The following ZRANB1 variants were observed in gnomAD, a reference collection of about 807,000 sequenced individuals.
ZRANB1 encodes zinc finger RANBP2-type containing 1.
Under a neutral mutation model 80.5 loss-of-function variants are expected in ZRANB1, and 16 were observed. The observed-to-expected ratio is 0.20, with a 90% CI of 0.13 to 0.30. ZRANB1 has a LOEUF of 0.30. Ranked by LOEUF, ZRANB1 falls within the 10% of genes least tolerant of loss-of-function variation. ZRANB1 has a pLI of 1.00. For missense variants in ZRANB1, 576 were observed against 862.6 expected (o/e 0.67, Z 4.16); for synonymous variants, 291 against 293.1 (o/e 0.99, Z 0.07).
intron 3 of ZRANB1, among the ~76,000 whole-genome samples, chr10:124,973,131 G>T (rs1443792781): frequency 1.3e-5 from 2 of 152,112 alleles, no homozygotes; most frequent in Non-Finnish European, 2.9e-5. Context: ...ACCCCAGAAT[G>T]ATTAGATTTT....
intron 2 of ZRANB1, among the ~76,000 whole-genome samples, chr10:124,971,506 G>GCTT (rs1294148269): frequency 6.6e-6 from 1 of 152,184 alleles, no homozygotes; most frequent in Non-Finnish European, 1.5e-5. Flanking sequence ...TAAATACCGT[G>GCTT]CTTTTTTTAA....
At chr10:124,936,997 C>T in the ZRANB1 span, among the ~76,000 whole-genome samples, 1 of 151,976 alleles carries the variant, frequency 6.6e-6, no homozygotes, top group Non-Finnish European at 1.5e-5. Context: ...CCGGGCCGCC[C>T]GGGCTGGAGT....
intron 1 of ZRANB1, among the ~76,000 whole-genome samples, chr10:124,952,538 G>A (rs1951648561): frequency 6.6e-6 from 1 of 152,192 alleles, no homozygotes; most frequent in Non-Finnish European, 1.5e-5. Flanking sequence ...GTTGTTTTAA[G>A]TCACTAAGGT....
At chr10:124,972,306 G>C (rs1951834066) in intron 3 of ZRANB1, among the ~76,000 whole-genome samples, 188 bp downstream of exon 3, 1 of 152,218 alleles carries the variant, frequency 6.6e-6, no homozygotes, top group Non-Finnish European at 1.5e-5. Flanking sequence ...AAATGCGTCT[G>C]CTATCTGAGA....
At chr10:124,919,737 G>T in the ZRANB1 span, among the ~76,000 whole-genome samples, 68 of 149,250 alleles carry the variant, frequency 4.6e-4, no homozygotes, top group African/African-American at 1.6e-3. Flanking sequence ...TCATCCTCCC[G>T]AGTAGCTGGG....
upstream of ZRANB1, among the ~76,000 whole-genome samples, chr10:124,940,992 A>T (rs956836056): frequency 2.0e-5 from 3 of 150,944 alleles, no homozygotes; most frequent in African/African-American, 7.4e-5. Flanking sequence ...TCAAAAAAAC[A>T]AAAATGAAAA....
At chr10:124,941,165 A>T (rs1166014656), upstream of ZRANB1, among the ~76,000 whole-genome samples, 2 of 150,454 alleles carry the variant, frequency 1.3e-5, no homozygotes, top group African/African-American at 4.9e-5. Context: ...AAAAGTATTT[A>T]GGAAAAGTGG....
intron 1 of ZRANB1, among the ~76,000 whole-genome samples, chr10:124,963,554 G>GTTTTTTTTTTTTTTT (rs760813299): frequency 1.4e-3 from 81 of 57,484 alleles, no homozygotes; most frequent in Admixed American, 1.7e-3. Flanking sequence ...TTTTTTGTTT[G>GTTTTTTTTTTTTTTT]TTTTTTTTTT....
Position 124,986,944 on chromosome 10 carries a change from GTT to G in ZRANB1, c.*1953_*1954del, listed in dbSNP as rs1221929860. On this transcript the variant is annotated 3_prime_UTR_variant, in exon 9 of 9. Transcript: ENST00000359653. ...TACTGTGTGTTGTGGTCTGGTGAGT[GTT>G]GTTTCCCCTGAGCGCTCTATTATTT... The G allele has an allele frequency of 1.3e-5, 2 of 152,304 alleles. No homozygotes were observed. The highest frequency in any genetic ancestry group is 1.3e-4 in the Admixed American group (2 of 15,170). 9.4% of individuals were successfully genotyped at this position (152,304 alleles called of 1,614,324 possible).
chr10:124,942,096 A>T, upstream of ZRANB1: 1 of 1,013,082 alleles, frequency 9.9e-7, no homozygotes, highest in Non-Finnish European at 1.2e-6. Context: ...TGTCTCTTTA[A>T]ACTATTGGTT....
chr10:124,981,559 TAGAA>T, intron 5 of ZRANB1, 146 bp from the exon 6 acceptor site: 1 of 694,772 alleles, frequency 1.4e-6, no homozygotes, highest in Non-Finnish European at 2.2e-6. Flanking sequence ...CATTTTTCAT[TAGAA>T]AAATACATTA....
intron 5 of ZRANB1, among the ~76,000 whole-genome samples, chr10:124,978,128 A>G (rs1951896159): frequency 6.6e-6 from 1 of 152,200 alleles, no homozygotes; most frequent in African/African-American, 2.4e-5. Context: ...TCGGGAGATC[A>G]GATATACTAG....
At position 124,987,125 on chromosome 10, in the gene ZRANB1, A is replaced by G. The variant is rs756129116; in HGVS notation, c.*2133A>G. On this transcript the variant is annotated 3_prime_UTR_variant, in exon 9 of 9. Coordinates refer to ENST00000359653, the MANE Select transcript of ZRANB1 (RefSeq NM_017580.3). ...TCATAGACTGGCTGTTAAAGGCCAA[A>G]AATTTTGGTAAATCAATGCTATATT... is the stretch of plus-strand genomic sequence containing the variant. 5.2e-5 allele frequency: 8 copies of G among 152,618 alleles called. No homozygotes were observed. The highest frequency in any genetic ancestry group is 1.2e-4 in the Non-Finnish European group (8 of 68,038). The allele number at this position is 152,618 out of a possible 1,614,324, so 9.5% of individuals were successfully genotyped here.
rs1403193013 is a variant in ZRANB1 at position 124,987,352 on chromosome 10, G to A, written c.*2360G>A. On this transcript the variant is annotated 3_prime_UTR_variant, in exon 9 of 9. Transcript: ENST00000359653. The stretch of plus-strand genomic sequence containing the variant: ...ATTTTGTTTTGACTTGTTCTTCCTT[G>A]GGGTCAAATTTATATATATATATAT... The A allele has an allele frequency of 6.7e-6, 1 of 148,388 alleles. No individual in the cohort carries two copies. Among genetic ancestry groups the A allele is most frequent in the Non-Finnish European group, 1.5e-5 (1 of 67,502 alleles). 9.2% of individuals were successfully genotyped at this position (148,388 alleles called of 1,614,324 possible).
At chr10:124,976,085 C>G (rs1178213802) in intron 5 of ZRANB1, among the ~76,000 whole-genome samples, 1 of 152,106 alleles carries the variant, frequency 6.6e-6, no homozygotes, top group Non-Finnish European at 1.5e-5. Context: ...TCCTGGATGA[C>G]CTGACTGGAT....
At chr10:124,948,987 C>T (rs1191356570) in intron 1 of ZRANB1, among the ~76,000 whole-genome samples, 1 of 152,102 alleles carries the variant, frequency 6.6e-6, no homozygotes, top group African/African-American at 2.4e-5. Flanking sequence ...GGGCTCAACC[C>T]AGGAGAGCCA....
the ZRANB1 span, among the ~76,000 whole-genome samples, chr10:124,936,281 C>G: frequency 1.3e-5 from 2 of 152,080 alleles, no homozygotes; most frequent in Non-Finnish European, 2.9e-5. Flanking sequence ...AGGGAAGATG[C>G]TTAGAAGGCT....
At chr10:124,917,582 C>T in the ZRANB1 span, among the ~76,000 whole-genome samples, 771 of 152,334 alleles carry the variant, frequency 5.1e-3, 13 homozygotes, top group Non-Finnish European at 7.4e-3. Flanking sequence ...TTCCCCACAA[C>T]TTCTTTTCCT....
Position 124,987,934 on chromosome 10 carries a change from C to A in ZRANB1, c.*2942C>A, listed in dbSNP as rs573847195. ...ACTCATGGGACTATTTGCAACACTT[C>A]TTTGTAAATATCATTTTGTTTGTTA... On this transcript the variant is annotated 3_prime_UTR_variant, in exon 9 of 9. Coordinates refer to ENST00000359653, the MANE Select transcript of ZRANB1 (RefSeq NM_017580.3). The A allele has an allele frequency of 5.9e-5, 9 of 152,264 alleles. No homozygotes were observed. Among genetic ancestry groups the A allele is most frequent in the Admixed American group, 5.2e-4 (8 of 15,274 alleles). The allele number at this position is 152,264 out of a possible 1,614,324, so 9.4% of individuals were successfully genotyped here. A position where few individuals can be genotyped will look rare whatever the true frequency, so the allele number is the denominator to read the frequency against.
Sources: gnomAD v4.1 joint callset for allele counts (sites outside exome capture counted in the v4.1 genomes callset) on GRCh38, gnomAD v4.1.1 for gene constraint, MANE v1.5 for transcripts, NCBI Gene and HGNC (gene_info 2026-07-23, HGNC 2026-07-21) for gene names.